The following SEMA6D variants were observed in gnomAD, a reference collection of about 807,000 sequenced individuals.
SEMA6D encodes the protein semaphorin-6D.
Under a neutral mutation model 106.6 loss-of-function variants are expected in SEMA6D, and 35 were observed. The observed-to-expected ratio is 0.33, with a 90% CI of 0.25 to 0.44. The LOEUF (loss-of-function observed/expected upper bound fraction) is 0.44, where lower values mean the gene tolerates loss of function less well. Among genes scored for constraint, SEMA6D ranks in the 20% least tolerant of loss-of-function variants. SEMA6D has a pLI of 1.00. For synonymous variants in SEMA6D, 499 were observed against 487.7 expected, an observed-to-expected ratio of 1.02 and a Z score of -0.31; for missense variants, 1,185 against 1,345.9, an observed-to-expected ratio of 0.88 and a Z score of 1.87.
At chr15:47,474,838 T>A (rs953186691) in intron 3 of SEMA6D, among the ~76,000 whole-genome samples, 1 of 152,216 alleles carries the variant, frequency 6.6e-6, no homozygotes, top group African/African-American at 2.4e-5. Context: ...AATACGAATG[T>A]CACTTGCAGA....
chr15:47,569,134 A>C (rs970044933), intron 3 of SEMA6D, among the ~76,000 whole-genome samples: 2 of 152,188 alleles, frequency 1.3e-5, no homozygotes, highest in African/African-American at 4.8e-5. Flanking sequence ...GGTTTCCAGT[A>C]AAGAAAATAT....
At chr15:47,206,896 G>A (rs1422144738) in intron 1 of SEMA6D, among the ~76,000 whole-genome samples, 2 of 152,006 alleles carry the variant, frequency 1.3e-5, no homozygotes, top group Admixed American at 1.3e-4. Flanking sequence ...GCAAATTAGT[G>A]TTCCTGGTTT....
chr15:47,261,988 T>A lies in SEMA6D; in HGVS notation c.-239+77570T>A, dbSNP rs150065228. The stretch of plus-strand genomic sequence containing the variant: ...CTATGAATAATGATACTATAAACAA[T>A]CTTATACAGCATCAGTGTACAAAAA... On this transcript the variant is annotated intron_variant, in intron 1 of 19. Transcript: ENST00000558014. Among the ~76,000 whole-genome samples the A allele has an allele frequency of 7.7e-3, 1,172 of 152,128 alleles. 28 individuals carry two copies. The highest frequency in any genetic ancestry group is 0.027 in the African/African-American group (1,112 of 41,522).
At chr15:47,315,204 AT>A (rs1015849730) in intron 1 of SEMA6D, among the ~76,000 whole-genome samples, 1 of 151,930 alleles carries the variant, frequency 6.6e-6, no homozygotes, top group Non-Finnish European at 1.5e-5. Flanking sequence ...GAGTTTTATA[AT>A]TTTACATTTT....
chr15:47,324,901 A>G (rs1237047500), intron 1 of SEMA6D, among the ~76,000 whole-genome samples: 2 of 152,010 alleles, frequency 1.3e-5, no homozygotes, highest in Non-Finnish European at 2.9e-5. Flanking sequence ...ATGCCAGTAA[A>G]TATAGTTTAA....
At chr15:47,335,145 T>C (rs2037500520) in intron 1 of SEMA6D, among the ~76,000 whole-genome samples, 1 of 152,018 alleles carries the variant, frequency 6.6e-6, no homozygotes, top group Non-Finnish European at 1.5e-5. Context: ...ACCAAGAAAC[T>C]ATTGAAACTA....
At chr15:47,488,767 C>G (rs1488640302) in intron 3 of SEMA6D, among the ~76,000 whole-genome samples, 1 of 152,016 alleles carries the variant, frequency 6.6e-6, no homozygotes, top group Admixed American at 6.6e-5. Context: ...CTCAAAGATG[C>G]CTTTGTGACT....
At chr15:47,538,291 A>C (rs1370398847) in intron 3 of SEMA6D, among the ~76,000 whole-genome samples, 1 of 152,128 alleles carries the variant, frequency 6.6e-6, no homozygotes, top group African/African-American at 2.4e-5. Flanking sequence ...CTGGTCCAGG[A>C]TAGGTATCAA....
At chr15:47,759,127 T>C (rs1187061908) in intron 1 of SEMA6D, among the ~76,000 whole-genome samples, 3 of 152,168 alleles carry the variant, frequency 2.0e-5, no homozygotes, top group Non-Finnish European at 2.9e-5. Flanking sequence ...TGTATTTCTT[T>C]TAATTCCCTT....
intron 1 of SEMA6D, among the ~76,000 whole-genome samples, chr15:47,224,175 T>A (rs542268308): frequency 5.6e-4 from 83 of 149,314 alleles, no homozygotes; most frequent in Non-Finnish European, 9.2e-4. Flanking sequence ...GAAAAAAAAA[T>A]AATAAAATAA....
intron 1 of SEMA6D, among the ~76,000 whole-genome samples, chr15:47,188,248 CATTG>C (rs1417436232): frequency 4.6e-5 from 7 of 152,142 alleles, no homozygotes; most frequent in South Asian, 2.1e-4. Flanking sequence ...ACTAGAAACA[CATTG>C]ATTAAGTGAT....
chr15:47,247,492 C>T (rs2033270891), intron 1 of SEMA6D, among the ~76,000 whole-genome samples: 1 of 151,938 alleles, frequency 6.6e-6, no homozygotes, highest in Admixed American at 6.6e-5. Flanking sequence ...TAGGAGCCTA[C>T]AGAGTGTCAT....
intron 1 of SEMA6D, among the ~76,000 whole-genome samples, chr15:47,324,073 G>A (rs1474241004): frequency 6.6e-6 from 1 of 151,380 alleles, no homozygotes; most frequent in African/African-American, 2.4e-5. Context: ...CACATCTAAT[G>A]TTACAGGTGT....
chr15:47,356,041 G>A (rs2038552453), intron 1 of SEMA6D, among the ~76,000 whole-genome samples: 1 of 152,138 alleles, frequency 6.6e-6, no homozygotes. Flanking sequence ...AGGAATCATG[G>A]GAATTGGCAG....
chr15:47,292,532 C>A (rs994126053), intron 1 of SEMA6D, among the ~76,000 whole-genome samples: 1 of 152,112 alleles, frequency 6.6e-6, no homozygotes, highest in East Asian at 1.9e-4. Flanking sequence ...GCATTTAGAA[C>A]CTTCAAGAAA....
chr15:47,676,939 T>A (rs192419083), intron 4 of SEMA6D, among the ~76,000 whole-genome samples: 2 of 149,908 alleles, frequency 1.3e-5, no homozygotes, highest in East Asian at 4.0e-4. Flanking sequence ...GTGGGGTGGG[T>A]GGGTGGTTCC....
At chr15:47,698,789 C>T (rs2078751448) in intron 4 of SEMA6D, among the ~76,000 whole-genome samples, 1 of 152,108 alleles carries the variant, frequency 6.6e-6, no homozygotes, top group South Asian at 2.1e-4. Context: ...GTCAATGCAA[C>T]ATTCCATGCA....
chr15:47,618,953 T>A (rs919160702), intron 4 of SEMA6D, among the ~76,000 whole-genome samples: 2 of 152,170 alleles, frequency 1.3e-5, no homozygotes, highest in African/African-American at 4.8e-5. Flanking sequence ...TCCATCTGGG[T>A]CACTTTCCAG....
chr15:47,731,324 C>G (rs942610296), intron 1 of SEMA6D, among the ~76,000 whole-genome samples: 2 of 152,014 alleles, frequency 1.3e-5, no homozygotes, highest in African/African-American at 4.8e-5. Context: ...CCCCCCGCCC[C>G]CGGTTGAACA....
Sources: allele counts gnomAD v4.1 joint callset (sites outside exome capture counted in the v4.1 genomes callset), GRCh38; gene constraint gnomAD v4.1.1; transcripts MANE v1.5; gene names NCBI Gene and HGNC (gene_info 2026-07-23, HGNC 2026-07-21).